Variants in DENND1A observed in about 807,000 individuals in gnomAD.
The protein encoded by DENND1A is DENN domain containing 1A, also known as DENN domain-containing protein 1A.
DENND1A carries 51 observed loss-of-function variants against 113.7 expected under a neutral mutation model. That is an observed-to-expected ratio of 0.45 (90% CI 0.36 to 0.57). DENND1A has a LOEUF of 0.57. Ranked by LOEUF, DENND1A falls within the 20% of genes least tolerant of loss-of-function variation. The pLI, the probability that DENND1A is intolerant of heterozygous loss-of-function variation, is 0.00. For synonymous variants in DENND1A, 565 were observed against 570.8 expected, an observed-to-expected ratio of 0.99 and a Z score of 0.14; for missense variants, 1,258 against 1,395.9, an observed-to-expected ratio of 0.90 and a Z score of 1.57.
Position 123,696,956 on chromosome 9 carries a change from A to G in DENND1A, c.303-20167T>C, listed in dbSNP as rs185878759. 2.0e-5 allele frequency among the ~76,000 whole-genome samples: 3 copies of G among 152,316 alleles called. No individual in the cohort carries two copies. The East Asian group carries it at 5.8e-4, about 29-fold the overall frequency. The stretch of plus-strand genomic sequence containing the variant: ...GTTGATCACTCAAAATAAACTTTGT[A>G]AGGTGCTACGTATCAGCCACATCTT... On this transcript the variant is annotated intron_variant, in intron 5 of 23. Transcript: ENST00000394215.
intron 10 of DENND1A, among the ~76,000 whole-genome samples, chr9:123,616,985 G>A (rs1465330644): frequency 1.3e-5 from 2 of 152,240 alleles, no homozygotes; most frequent in African/African-American, 4.8e-5. Context: ...GGAAGGGCCT[G>A]AGATGACCTC....
intron 2 of DENND1A, among the ~76,000 whole-genome samples, chr9:123,845,314 C>G (rs12335433): frequency 6.6e-6 from 1 of 152,126 alleles, no homozygotes; most frequent in East Asian, 1.9e-4. Context: ...TGACTATCTA[C>G]GTTTGAAAGA....
intron 3 of DENND1A, among the ~76,000 whole-genome samples, chr9:123,786,510 G>A (rs1021215566): frequency 1.3e-5 from 2 of 152,164 alleles, no homozygotes; most frequent in South Asian, 2.1e-4. Flanking sequence ...CTTCAAGGGA[G>A]AGACGGAATC....
chr9:123,653,580 G>A (rs537458438), intron 8 of DENND1A, among the ~76,000 whole-genome samples: 2 of 152,304 alleles, frequency 1.3e-5, no homozygotes, highest in South Asian at 2.1e-4. Flanking sequence ...AGAAAACAGT[G>A]GCACAGAGAA....
chr9:123,885,148 T>C (rs1421935525), intron 1 of DENND1A, among the ~76,000 whole-genome samples: 1 of 152,146 alleles, frequency 6.6e-6, no homozygotes, highest in Non-Finnish European at 1.5e-5. Flanking sequence ...GCTCTCACCA[T>C]ATCCAACCCT....
At chr9:123,619,163 T>G (rs895182164) in intron 10 of DENND1A, among the ~76,000 whole-genome samples, 1 of 152,132 alleles carries the variant, frequency 6.6e-6, no homozygotes, top group African/African-American at 2.4e-5. Flanking sequence ...GCCAAGCTGG[T>G]CTTGAACTCC....
At chr9:123,529,892 G>T (rs2055156484) in intron 13 of DENND1A, among the ~76,000 whole-genome samples, 1 of 152,158 alleles carries the variant, frequency 6.6e-6, no homozygotes, top group Non-Finnish European at 1.5e-5. Context: ...TCAGATCCAG[G>T]CTCTACCTCT....
intron 5 of DENND1A, among the ~76,000 whole-genome samples, chr9:123,737,696 G>A (rs2068677129): frequency 6.6e-6 from 1 of 152,062 alleles, no homozygotes; most frequent in South Asian, 2.1e-4. Context: ...TCTTTCCAGG[G>A]GTCTTAGCAG....
At chr9:123,766,603 A>G (rs991183508) in intron 4 of DENND1A, among the ~76,000 whole-genome samples, 4 of 152,190 alleles carry the variant, frequency 2.6e-5, no homozygotes, top group African/African-American at 9.6e-5. Context: ...AAGGTGGTCT[A>G]CTGAAACGTA....
chr9:123,500,649 G>A (rs966040440), intron 13 of DENND1A, among the ~76,000 whole-genome samples: 2 of 152,116 alleles, frequency 1.3e-5, no homozygotes, highest in East Asian at 1.9e-4. Flanking sequence ...AGAGTTCTCC[G>A]CACGCCTCTC....
rs370114482 is a variant in DENND1A, at chr9:123,730,018, C to G, written c.302+27685G>C. Among the ~76,000 whole-genome samples, 74 of 152,252 alleles carry G rather than the reference C, an allele frequency of 4.9e-4. No individual in the cohort carries two copies. In the East Asian group the frequency reaches 0.013, roughly 26 times the overall value. ...AAACAAGCAATGGGAAAAGGATTCC[C>G]TATTTAATAAATGGTGTTGTGAAAA... is the stretch of plus-strand genomic sequence containing the variant. On this transcript the variant is annotated intron_variant, in intron 5 of 23. Coordinates refer to ENST00000394215, the MANE Select transcript of DENND1A (RefSeq NM_001352964.2).
intron 1 of DENND1A, among the ~76,000 whole-genome samples, chr9:123,919,118 G>A (rs919522875): frequency 2.0e-5 from 3 of 151,868 alleles, no homozygotes; most frequent in Admixed American, 6.6e-5. Flanking sequence ...CGAATCCACC[G>A]TTTTTTTTAA....
intron 5 of DENND1A, among the ~76,000 whole-genome samples, chr9:123,692,370 G>A (rs149672243): frequency 1.8e-4 from 27 of 152,258 alleles, no homozygotes; most frequent in African/African-American, 6.3e-4. Flanking sequence ...TTAAGATTGC[G>A]TCAATCACAA....
chr9:123,729,647 A>T (rs1472637701), intron 5 of DENND1A, among the ~76,000 whole-genome samples: 1 of 152,228 alleles, frequency 6.6e-6, no homozygotes, highest in Non-Finnish European at 1.5e-5. Flanking sequence ...ATCCTCATGG[A>T]TAGAAGAATC....
chr9:123,738,923 T>C (rs2068777521), intron 5 of DENND1A, among the ~76,000 whole-genome samples: 1 of 152,188 alleles, frequency 6.6e-6, no homozygotes, highest in Non-Finnish European at 1.5e-5. Flanking sequence ...TGGCTATTAC[T>C]CAAACGATGG....
rs146310416 is a variant in DENND1A at position 123,792,605 on chromosome 9, C to T, written c.114G>A (p.Pro38=). 1,562 of 1,612,036 alleles carry T rather than the reference C, an allele frequency of 9.7e-4. No homozygotes were observed. Among genetic ancestry groups the T allele is most frequent in the Non-Finnish European group, 1.3e-3 (1,482 of 1,178,980 alleles). The change falls in exon 3 of 24, where the codon CCG becomes CCA. Residue 38 remains proline (P), a synonymous_variant. Transcript: ENST00000394215. ...LSDPEVQRQF[P]EDYSDQEVLQ... ...TCCGAACCTGGTCACTGTAGTCCTC[C>T]GGGAATTGCCTCTGCACCTCAGGAT... is the stretch of plus-strand genomic sequence containing the variant.
At chr9:123,563,000 G>C (rs2057848478) in intron 12 of DENND1A, among the ~76,000 whole-genome samples, 1 of 152,148 alleles carries the variant, frequency 6.6e-6, no homozygotes, top group Admixed American at 6.5e-5. Context: ...ATTTTCAGTG[G>C]CTGAGCCTCT....
chr9:123,439,900 G>T (rs2046799961), intron 19 of DENND1A: 1 of 152,370 alleles, frequency 6.6e-6, no homozygotes, highest in Non-Finnish European at 1.5e-5. Flanking sequence ...TGTAGCACGG[G>T]TGTTTACTCT....
chr9:123,695,745 T>C (rs1176484715), intron 5 of DENND1A, among the ~76,000 whole-genome samples: 2 of 152,202 alleles, frequency 1.3e-5, no homozygotes, highest in African/African-American at 4.8e-5. Flanking sequence ...TCTCTCATAC[T>C]AGTGTGGGCA....
Sources: gnomAD v4.1 joint callset for allele counts (sites outside exome capture counted in the v4.1 genomes callset) on GRCh38, gnomAD v4.1.1 for gene constraint, MANE v1.5 for transcripts, NCBI Gene and HGNC (gene_info 2026-07-23, HGNC 2026-07-21) for gene names.